Variants in MZT1 observed in about 807,000 individuals in gnomAD.
MZT1 encodes the protein mitotic spindle organizing protein 1, also known as mitotic-spindle organizing protein 1.
Under a neutral mutation model 8.5 loss-of-function variants are expected in MZT1, and 8 were observed. The ratio of observed to expected loss-of-function variants is 0.94; its 90% CI spans 0.55 to 1.70. The LOEUF is 1.70. Among genes scored for constraint, MZT1 ranks in the 40% most tolerant of loss-of-function variants. MZT1 has a pLI of 0.00. For synonymous variants in MZT1, 38 were observed against 42.0 expected (o/e 0.90, Z 0.37); for missense variants, 93 against 108.6 (o/e 0.86, Z 0.64).
chr13:72,715,146 C>G (rs1593796345), intron 2 of MZT1, among the ~76,000 whole-genome samples: 2 of 152,326 alleles, frequency 1.3e-5, no homozygotes, highest in East Asian at 3.9e-4. Context: ...GAGCATACCC[C>G]TCCCACCAGT....
At chr13:72,715,598 T>C (rs1162478725) in intron 2 of MZT1, among the ~76,000 whole-genome samples, 2 of 152,184 alleles carry the variant, frequency 1.3e-5, no homozygotes, top group African/African-American at 4.8e-5. Flanking sequence ...TAATCTCCAA[T>C]GTTGGAGGTG....
intron 1 of MZT1, among the ~76,000 whole-genome samples, chr13:72,719,306 A>C (rs999598151): frequency 7.2e-5 from 11 of 152,154 alleles, no homozygotes; most frequent in Admixed American, 7.2e-4. Flanking sequence ...TTCCCTTCAC[A>C]TAACTGCCTT....
intron 2 of MZT1, among the ~76,000 whole-genome samples, chr13:72,714,872 G>A (rs181292080): frequency 1.3e-5 from 2 of 152,356 alleles, no homozygotes; most frequent in East Asian, 1.9e-4. Flanking sequence ...TTCAGGGGTG[G>A]AGCCCTCATG....
intron 2 of MZT1, among the ~76,000 whole-genome samples, chr13:72,718,455 A>G (rs565681032): frequency 1.3e-5 from 2 of 151,762 alleles, no homozygotes; most frequent in South Asian, 4.2e-4. Context: ...AAAACATAAC[A>G]TGGTCCATGG....
Position 72,710,186 on chromosome 13 carries a change from T to C in MZT1, c.*136A>G. On this transcript the variant is annotated 3_prime_UTR_variant, in exon 3 of 3. Coordinates refer to ENST00000377818, the MANE Select transcript of MZT1 (RefSeq NM_001071775.3). ...TTTCCACTGATTTATAAAGCTATGG[T>C]TTTATAATTCTTTTAAAAAGTAAAA... 1.4e-5 allele frequency: 11 copies of C among 769,112 alleles called. No individual in the cohort carries two copies. 47.6% of individuals were successfully genotyped at this position (769,112 alleles called of 1,614,324 possible). A position where few individuals can be genotyped will look rare whatever the true frequency, so the allele number is the denominator to read the frequency against.
At chr13:72,712,711 C>A (rs913013503) in intron 2 of MZT1, among the ~76,000 whole-genome samples, 28 of 152,180 alleles carry the variant, frequency 1.8e-4, no homozygotes, top group Admixed American at 1.2e-3. Flanking sequence ...AATATCGTAG[C>A]TTATATTTTG....
chr13:72,710,316 AG>A lies in MZT1; in HGVS notation c.*5del. ...TGACATATCTCATCAGAATTTCTCC[AG>A]AAAGTCAGCTTGTCATATTTTCAGC... On this transcript the variant is annotated 3_prime_UTR_variant, in exon 3 of 3. Coordinates refer to ENST00000377818, the MANE Select transcript of MZT1 (RefSeq NM_001071775.3). 2 of 1,613,238 alleles carry A rather than the reference AG, an allele frequency of 1.2e-6. No homozygotes were observed. The highest frequency in any genetic ancestry group is 1.7e-6 in the Non-Finnish European group (2 of 1,179,360).
chr13:72,716,576 G>A (rs904621358), intron 2 of MZT1, among the ~76,000 whole-genome samples: 2 of 152,152 alleles, frequency 1.3e-5, no homozygotes, highest in Admixed American at 1.3e-4. Context: ...CTTTGTATCA[G>A]GTATCAGAAG....
rs926114720 is a variant in MZT1 at position 72,709,963 on chromosome 13, G to C, written c.*359C>G. On this transcript the variant is annotated 3_prime_UTR_variant, in exon 3 of 3. Coordinates refer to ENST00000377818, the MANE Select transcript of MZT1 (RefSeq NM_001071775.3). ...GTCATAACTACTACACATTACTACT[G>C]ATGGGTTCCACTATACTTCAACCTG... 2 of 221,392 alleles carry C rather than the reference G, an allele frequency of 9.0e-6. No individual in the cohort carries two copies. Among genetic ancestry groups the C allele is most frequent in the African/African-American group, 4.6e-5 (2 of 43,366 alleles). 13.7% of individuals were successfully genotyped at this position (221,392 alleles called of 1,614,324 possible). A position where few individuals can be genotyped will look rare whatever the true frequency, so the allele number is the denominator to read the frequency against.
At chr13:72,717,028 G>C (rs752837267) in intron 2 of MZT1, among the ~76,000 whole-genome samples, 1 of 152,162 alleles carries the variant, frequency 6.6e-6, no homozygotes, top group Admixed American at 6.5e-5. Flanking sequence ...GTGTTGAGAT[G>C]GTTGACTGGC....
chr13:72,714,249 T>C (rs558247870), intron 2 of MZT1, among the ~76,000 whole-genome samples: 1 of 152,268 alleles, frequency 6.6e-6, no homozygotes, highest in African/African-American at 2.4e-5. Flanking sequence ...GTGGAAGAAA[T>C]TTCTAAGCAG....
At chr13:72,724,174 G>T (rs1826928866) in intron 1 of MZT1, among the ~76,000 whole-genome samples, 2 of 152,134 alleles carry the variant, frequency 1.3e-5, no homozygotes, top group South Asian at 2.1e-4. Flanking sequence ...TAGAACTGTG[G>T]AAAGCTACTG....
chr13:72,715,747 T>C (rs1289661363), intron 2 of MZT1, among the ~76,000 whole-genome samples: 1 of 152,132 alleles, frequency 6.6e-6, no homozygotes, highest in African/African-American at 2.4e-5. Context: ...CTCCCTCTCT[T>C]GCTCCTGTTT....
intron 1 of MZT1, among the ~76,000 whole-genome samples, chr13:72,724,175 A>G (rs937625247): frequency 2.6e-5 from 4 of 152,220 alleles, no homozygotes; most frequent in Non-Finnish European, 4.4e-5. Context: ...AGAACTGTGG[A>G]AAGCTACTGG....
At position 72,715,915 on chromosome 13, in the gene MZT1, TTTTG is replaced by T. The variant is rs1006025537; in HGVS notation, c.225+3033_225+3036del. On this transcript the variant is annotated intron_variant, in intron 2 of 2. Transcript: ENST00000377818. Reference sequence around the variant, plus strand: ...TTACAAATTATCTGGTCTCCGGTTTTTTTGTTTTTGTTTTTTTTTAAGAGGAAGT... The same window carrying T: ...TTACAAATTATCTGGTCTCCGGTTTTTTTTTGTTTTTTTTTAAGAGGAAGT... Among the ~76,000 whole-genome samples the T allele has an allele frequency of 2.6e-4, 39 of 152,124 alleles. 1 individual carries two copies. The Middle Eastern group carries it at 0.01, about 40-fold the overall frequency.
rs2032465828 is a variant in MZT1, at chr13:72,709,491, A to G, written c.*831T>C. The G allele has an allele frequency of 6.6e-6, 1 of 152,068 alleles. No individual in the cohort carries two copies. Among genetic ancestry groups the G allele is most frequent in the Admixed American group, 6.5e-5 (1 of 15,272 alleles). The allele number at this position is 152,068 out of a possible 1,614,324, so 9.4% of individuals were successfully genotyped here. On this transcript the variant is annotated 3_prime_UTR_variant, in exon 3 of 3. Coordinates refer to ENST00000377818, the MANE Select transcript of MZT1 (RefSeq NM_001071775.3). The stretch of plus-strand genomic sequence containing the variant: ...TAATAAAAGTAAATAGGAATTTTGC[A>G]TGTTTGTTGTTTCATTTTACAAATT...
intron 1 of MZT1, among the ~76,000 whole-genome samples, chr13:72,727,219 C>A (rs866001458): frequency 6.6e-6 from 1 of 152,096 alleles, no homozygotes; most frequent in East Asian, 1.9e-4. Context: ...GGAGATCGGG[C>A]GGGTAGGGCG....
chr13:72,715,223 C>A (rs1049880003), intron 2 of MZT1, among the ~76,000 whole-genome samples: 1 of 152,184 alleles, frequency 6.6e-6, no homozygotes, highest in Non-Finnish European at 1.5e-5. Flanking sequence ...AATGACTACC[C>A]TGCTGGGTTT....
At chr13:72,717,574 G>A (rs761390110) in intron 2 of MZT1, among the ~76,000 whole-genome samples, 1 of 152,022 alleles carries the variant, frequency 6.6e-6, no homozygotes, top group African/African-American at 2.4e-5. Context: ...CCTGACATCA[G>A]GTGATCCACC....
Sources: gnomAD v4.1 joint callset for allele counts (sites outside exome capture counted in the v4.1 genomes callset) on GRCh38, gnomAD v4.1.1 for gene constraint, MANE v1.5 for transcripts, NCBI Gene and HGNC (gene_info 2026-07-23, HGNC 2026-07-21) for gene names.